KLF7: variants seen among roughly 807,000 people sequenced by gnomAD.
The protein encoded by KLF7 is Krueppel-like factor 7.
Under a neutral mutation model 27.3 loss-of-function variants are expected in KLF7, and 2 were observed. That is an observed-to-expected ratio of 0.07 (90% CI 0.03 to 0.23). The LOEUF is 0.23. KLF7 is among the 10% of genes least tolerant of loss of function. The probability of loss-of-function intolerance (pLI) is 1.00; values close to 1 mark genes in which losing one functional copy is unlikely to be tolerated. For synonymous variants in KLF7, 165 were observed against 162.4 expected (o/e 1.02, Z -0.12); for missense variants, 221 against 394.1 (o/e 0.56, Z 3.72).
chr2:207,108,686 C>T (rs2076947856), intron 2 of KLF7, among the ~76,000 whole-genome samples: 1 of 152,198 alleles, frequency 6.6e-6, no homozygotes, highest in Non-Finnish European at 1.5e-5. Flanking sequence ...GACTGCTGCA[C>T]ATAACAAGCA....
intron 2 of KLF7, among the ~76,000 whole-genome samples, chr2:207,123,558 T>C (rs2077395680): frequency 6.6e-6 from 1 of 152,292 alleles, no homozygotes; most frequent in South Asian, 2.1e-4. Context: ...TATGCTGTGG[T>C]TGGCACTGTA....
chr2:207,153,821 G>A (rs555951047), intron 1 of KLF7, among the ~76,000 whole-genome samples: 1 of 152,288 alleles, frequency 6.6e-6, no homozygotes, highest in East Asian at 1.9e-4. Flanking sequence ...TAGCCAATGG[G>A]ACTTTCCTTC....
intron 1 of KLF7, among the ~76,000 whole-genome samples, chr2:207,157,233 A>AG (rs2078411707): frequency 6.6e-6 from 1 of 151,530 alleles, no homozygotes; most frequent in African/African-American, 2.4e-5. Flanking sequence ...AAAAAAAAAA[A>AG]AAAAAAAAGA....
rs1447408753 is a variant in KLF7 at position 207,076,568 on chromosome 2, C to G, written c.*4645G>C. 1 of 152,042 alleles carries G rather than the reference C, an allele frequency of 6.6e-6. No homozygotes were observed. Among genetic ancestry groups the G allele is most frequent in the Non-Finnish European group, 1.5e-5 (1 of 67,992 alleles). 9.4% of individuals were successfully genotyped at this position (152,042 alleles called of 1,614,324 possible). Reference sequence around the variant, plus strand: ...AAGAGTGTTAAAAGCAAGAAAAAACCCTGAAGCCTCAGGCAGTTCGTCGTG... The same window carrying G: ...AAGAGTGTTAAAAGCAAGAAAAAACGCTGAAGCCTCAGGCAGTTCGTCGTG... On this transcript the variant is annotated 3_prime_UTR_variant, in exon 4 of 4. Transcript: ENST00000309446.
Position 207,075,530 on chromosome 2 carries a change from A to G in KLF7, c.*5683T>C, listed in dbSNP as rs192704819. 2 of 152,230 alleles carry G rather than the reference A, an allele frequency of 1.3e-5. No homozygotes were observed. Among genetic ancestry groups the G allele is most frequent in the Admixed American group, 6.5e-5 (1 of 15,280 alleles). 9.4% of individuals were successfully genotyped at this position (152,230 alleles called of 1,614,324 possible). On this transcript the variant is annotated 3_prime_UTR_variant, in exon 4 of 4. Coordinates refer to ENST00000309446, the MANE Select transcript of KLF7 (RefSeq NM_003709.4). ...GTAGGTCTCTCCAAACACACTTGTT[A>G]GACACATCTGGCAAAAAGAAAATGT...
intron 2 of KLF7, among the ~76,000 whole-genome samples, chr2:207,090,921 G>T (rs1451922627): frequency 6.6e-6 from 1 of 152,138 alleles, no homozygotes; most frequent in Non-Finnish European, 1.5e-5. Flanking sequence ...TAAGACTTTG[G>T]AAATTCAAAA....
intron 2 of KLF7, among the ~76,000 whole-genome samples, chr2:207,112,292 G>C (rs951556617): frequency 2.0e-5 from 3 of 151,894 alleles, no homozygotes; most frequent in African/African-American, 7.3e-5. Flanking sequence ...ACTACTAACG[G>C]CTAGCTGGTT....
intron 1 of KLF7, chr2:207,134,246 AC>A: frequency 1.3e-6 from 1 of 791,860 alleles, no homozygotes; most frequent in Non-Finnish European, 1.9e-6. Flanking sequence ...TAATTAATAT[AC>A]CCTTCCCCTA....
chr2:207,165,703 T>G lies in KLF7; in HGVS notation c.-135A>C. 1 of 1,472,830 alleles carries G rather than the reference T, an allele frequency of 6.8e-7. No individual in the cohort carries two copies. The highest frequency in any genetic ancestry group is 9.0e-7 in the Non-Finnish European group (1 of 1,115,930). 91.2% of individuals were successfully genotyped at this position (1,472,830 alleles called of 1,614,324 possible). ...GCCCTTTTGTTTTGTTTTGTTTCAG[T>G]CAACTAAAAAGGAAAAAAAAAAATC... On this transcript the variant is annotated 5_prime_UTR_variant, in exon 1 of 4. Coordinates refer to ENST00000309446, the MANE Select transcript of KLF7 (RefSeq NM_003709.4).
intron 2 of KLF7, among the ~76,000 whole-genome samples, chr2:207,099,146 C>T (rs1228234871): frequency 6.6e-6 from 1 of 152,060 alleles, no homozygotes; most frequent in Non-Finnish European, 1.5e-5. Flanking sequence ...GTGTACAACT[C>T]CTAGTGAGTA....
At chr2:207,120,368 A>C (rs1370709236) in intron 2 of KLF7, among the ~76,000 whole-genome samples, 1 of 152,216 alleles carries the variant, frequency 6.6e-6, no homozygotes, top group Non-Finnish European at 1.5e-5. Context: ...CCATGTTACC[A>C]ACATGTATTG....
intron 1 of KLF7, among the ~76,000 whole-genome samples, chr2:207,154,152 G>A (rs1355781233): frequency 1.3e-5 from 2 of 152,074 alleles, no homozygotes; most frequent in East Asian, 3.9e-4. Context: ...GGGGGAAAAT[G>A]AAATAAAAAT....
chr2:207,085,085 C>T (rs966817698), intron 3 of KLF7, among the ~76,000 whole-genome samples: 4 of 149,324 alleles, frequency 2.7e-5, no homozygotes, highest in Admixed American at 6.8e-5. Context: ...TCGCCTGAAC[C>T]CCGGAGGCAG....
chr2:207,145,793 C>T (rs529825638), intron 1 of KLF7, among the ~76,000 whole-genome samples: 2 of 151,432 alleles, frequency 1.3e-5, no homozygotes, highest in African/African-American at 4.8e-5. Flanking sequence ...GTCAGGTTCA[C>T]CACTGCATCC....
At chr2:207,152,076 T>C (rs2078261469) in intron 1 of KLF7, among the ~76,000 whole-genome samples, 1 of 152,178 alleles carries the variant, frequency 6.6e-6, no homozygotes, top group Non-Finnish European at 1.5e-5. Context: ...AGAAAACACA[T>C]TACTTGATTC....
chr2:207,126,224 T>C (rs1219713661), intron 1 of KLF7, among the ~76,000 whole-genome samples: 1 of 152,172 alleles, frequency 6.6e-6, no homozygotes, highest in African/African-American at 2.4e-5. Context: ...AAATTATCAC[T>C]TACATCTCTC....
At chr2:207,109,997 T>A (rs2076984120) in intron 2 of KLF7, 1 of 154,854 alleles carries the variant, frequency 6.5e-6, no homozygotes, top group Non-Finnish European at 1.5e-5. Context: ...GTCAGCAGTA[T>A]TATCTCCAAA....
intron 2 of KLF7, among the ~76,000 whole-genome samples, chr2:207,112,336 C>T (rs772793531): frequency 2.0e-5 from 3 of 152,064 alleles, no homozygotes; most frequent in Admixed American, 6.5e-5. Flanking sequence ...GCGATCTTCT[C>T]GCGATCACCT....
intron 2 of KLF7, among the ~76,000 whole-genome samples, chr2:207,100,123 C>T (rs1409093029): frequency 1.4e-5 from 2 of 143,942 alleles, no homozygotes; most frequent in African/African-American, 5.3e-5. Flanking sequence ...GGTGACAGAG[C>T]GAGACCATGT....
Sources: allele counts gnomAD v4.1 joint callset (sites outside exome capture counted in the v4.1 genomes callset), GRCh38; gene constraint gnomAD v4.1.1; transcripts MANE v1.5; gene names NCBI Gene and HGNC (gene_info 2026-07-23, HGNC 2026-07-21).